The following DNAH11 variants were observed in gnomAD, a reference collection of about 807,000 sequenced individuals.
DNAH11 encodes axonemal beta dynein heavy chain 11.
A neutral mutation model predicts 526.0 loss-of-function variants in DNAH11; 442 were observed. The observed-to-expected ratio is 0.84, with a 90% confidence interval of 0.78 to 0.91. DNAH11 has a LOEUF of 0.91. DNAH11 is among the 40% of genes least tolerant of loss of function. The probability of loss-of-function intolerance (pLI) is 0.00; values close to 1 mark genes in which losing one functional copy is unlikely to be tolerated. For missense variants in DNAH11, 6,989 were observed against 5,448.7 expected, an observed-to-expected ratio of 1.28 and a Z score of -8.90; for synonymous variants, 2,461 against 1,935.9, an observed-to-expected ratio of 1.27 and a Z score of -7.12.
intron 76 of DNAH11, among the ~76,000 whole-genome samples, chr7:21,887,464 G>C (rs7785157): frequency 0.63 from 95,490 of 152,018 alleles, 30,312 homozygotes; most frequent in South Asian, 0.68. Flanking sequence ...AGAATCTGGG[G>C]TTTGAAGTAA....
intron 55 of DNAH11, among the ~76,000 whole-genome samples, chr7:21,771,846 C>T (rs1016957908): frequency 1.5e-5 from 2 of 133,562 alleles, no homozygotes; most frequent in East Asian, 1.9e-4. Context: ...CCCCAACGCC[C>T]CCCACAAAAA....
intron 66 of DNAH11, among the ~76,000 whole-genome samples, chr7:21,846,638 CT>C (rs1234905856): frequency 1.3e-5 from 2 of 152,026 alleles, no homozygotes; most frequent in African/African-American, 4.8e-5. Context: ...CACAACTATG[CT>C]CATCAGAGAT....
chr7:21,900,150 CCTTTT>C, intron 81 of DNAH11, 30 bp downstream of exon 81: 3 of 1,584,190 alleles, frequency 1.9e-6, no homozygotes, highest in Non-Finnish European at 2.6e-6. Context: ...AAGTGGGGAA[CCTTTT>C]CTTACTCAGG....
chr7:21,684,073 A>G, intron 32 of DNAH11, 129 bp downstream of exon 32: 1 of 970,436 alleles, frequency 1.0e-6, no homozygotes, highest in Non-Finnish European at 1.5e-6. Context: ...AAGAGAATTG[A>G]ATTAGAGAAA....
chr7:21,638,402 T>A (rs1786965362), intron 27 of DNAH11, among the ~76,000 whole-genome samples: 1 of 152,170 alleles, frequency 6.6e-6, no homozygotes, highest in Non-Finnish European at 1.5e-5. Context: ...GCTTTGGGGC[T>A]CGGGCTCTGC....
intron 28 of DNAH11, among the ~76,000 whole-genome samples, chr7:21,651,816 T>C (rs1468186291): frequency 2.0e-5 from 3 of 152,226 alleles, no homozygotes; most frequent in African/African-American, 7.2e-5. Flanking sequence ...ACATAGTTGA[T>C]TACTAACTCT....
chr7:21,636,570 A>G (rs1009460294), intron 26 of DNAH11, among the ~76,000 whole-genome samples: 2 of 151,994 alleles, frequency 1.3e-5, no homozygotes, highest in African/African-American at 4.8e-5. Context: ...TCCCTTCTCT[A>G]CTAAAAAATT....
intron 2 of DNAH11, among the ~76,000 whole-genome samples, chr7:21,555,428 T>A (rs1783178777): frequency 6.6e-6 from 1 of 152,180 alleles, no homozygotes; most frequent in Non-Finnish European, 1.5e-5. Flanking sequence ...CTGTCTCCCA[T>A]TTTTGGTCAG....
chr7:21,877,230 T>G (rs1281910985), intron 74 of DNAH11, among the ~76,000 whole-genome samples: 1 of 152,144 alleles, frequency 6.6e-6, no homozygotes, highest in Admixed American at 6.5e-5. Flanking sequence ...AACCTTTTTT[T>G]TCTTTTTTTT....
At chr7:21,552,836 T>C (rs112428064) in intron 2 of DNAH11, among the ~76,000 whole-genome samples, 4 of 152,050 alleles carry the variant, frequency 2.6e-5, no homozygotes, top group Admixed American at 1.3e-4. Context: ...GAACCACTTA[T>C]GTTCATAGGG....
rs568849879 is a variant in DNAH11, at chr7:21,608,498, T to C, written c.3852+1765T>C. ...GGCTGACAGAGCCCTTACCTCTCTT[T>C]CCAAATTTTGGGTTGAATTTAGATT... On this transcript the variant is annotated intron_variant, in intron 20 of 81. Coordinates refer to ENST00000409508, the MANE Select transcript of DNAH11 (RefSeq NM_001277115.2). Among the ~76,000 whole-genome samples the C allele has an allele frequency of 5.3e-5, 8 of 152,284 alleles. No individual in the cohort carries two copies. In the East Asian group the frequency reaches 1.5e-3, roughly 29 times the overall value.
intron 28 of DNAH11, among the ~76,000 whole-genome samples, chr7:21,653,424 T>C (rs929216100): frequency 1.3e-5 from 2 of 152,144 alleles, no homozygotes; most frequent in African/African-American, 4.8e-5. Flanking sequence ...TGCCTAAGAT[T>C]TGTGTTTCCT....
chr7:21,881,902 G>C (rs190497502), intron 75 of DNAH11, among the ~76,000 whole-genome samples: 1 of 151,564 alleles, frequency 6.6e-6, no homozygotes, highest in East Asian at 2.0e-4. Context: ...GGTATTTGAT[G>C]TTCAGTGTTC....
intron 66 of DNAH11, chr7:21,851,415 G>T (rs527714829): frequency 6.1e-6 from 2 of 328,182 alleles, no homozygotes; most frequent in African/African-American, 2.1e-5. Flanking sequence ...GTCCTTTATC[G>T]CACCTTGAGA....
chr7:21,827,317 C>A (rs1218188638), intron 65 of DNAH11, among the ~76,000 whole-genome samples: 1 of 152,034 alleles, frequency 6.6e-6, no homozygotes, highest in Admixed American at 6.6e-5. Flanking sequence ...TGTAATTTTT[C>A]CAAAGCAAAT....
At chr7:21,831,557 G>A (rs745522989) in intron 65 of DNAH11, among the ~76,000 whole-genome samples, 1 of 152,056 alleles carries the variant, frequency 6.6e-6, no homozygotes, top group Non-Finnish European at 1.5e-5. Context: ...CAGTTTTATA[G>A]GCAGACATCC....
At chr7:21,636,540 G>C (rs941518488) in intron 26 of DNAH11, among the ~76,000 whole-genome samples, 4 of 152,056 alleles carry the variant, frequency 2.6e-5, no homozygotes, top group Non-Finnish European at 5.9e-5. Flanking sequence ...TTCGAGACAA[G>C]CCTAGGCAGT....
At chr7:21,899,145 T>A (rs1784642512) in intron 79 of DNAH11, among the ~76,000 whole-genome samples, 191 bp from the exon 80 acceptor site, 1 of 152,164 alleles carries the variant, frequency 6.6e-6, no homozygotes, top group Admixed American at 6.5e-5. Flanking sequence ...AGTCATCAAG[T>A]CTCCAATGGG....
chr7:21,783,910 C>T (rs773940245), intron 57 of DNAH11, among the ~76,000 whole-genome samples: 10 of 152,116 alleles, frequency 6.6e-5, no homozygotes, highest in Non-Finnish European at 1.3e-4. Context: ...GTTAGGCATG[C>T]GATCCATGAC....
Sources: allele counts gnomAD v4.1 joint callset (sites outside exome capture counted in the v4.1 genomes callset), GRCh38; gene constraint gnomAD v4.1.1; transcripts MANE v1.5; gene names NCBI Gene and HGNC (gene_info 2026-07-23, HGNC 2026-07-21).